USP33: variants seen among roughly 807,000 people sequenced by gnomAD.
The protein encoded by USP33 is ubiquitin carboxyl-terminal hydrolase 33.
A neutral mutation model predicts 124.2 loss-of-function variants in USP33; 46 were observed. That is an observed-to-expected ratio of 0.37 (90% confidence interval 0.29 to 0.47). The LOEUF (loss-of-function observed/expected upper bound fraction) is 0.47, where lower values mean the gene tolerates loss of function less well. Ranked by LOEUF, USP33 falls within the 20% of genes least tolerant of loss-of-function variation. The pLI is 0.99. For synonymous variants in USP33, 350 were observed against 352.3 expected (o/e 0.99, Z 0.07); for missense variants, 851 against 1,070.6 (o/e 0.79, Z 2.86).
chr1:77,754,783 AC>A (rs1300551931), intron 1 of USP33, among the ~76,000 whole-genome samples: 1 of 152,242 alleles, frequency 6.6e-6, no homozygotes, highest in Non-Finnish European at 1.5e-5. Flanking sequence ...CAGTCTTCTA[AC>A]TGAGTTCTCT....
At chr1:77,701,333 A>AT in intron 22 of USP33, 36 bp downstream of exon 22, 1 of 1,482,754 alleles carries the variant, frequency 6.7e-7, no homozygotes, top group Non-Finnish European at 9.3e-7. Context: ...AAAACAAATA[A>AT]TTTACCAAAA....
intron 1 of USP33, among the ~76,000 whole-genome samples, chr1:77,748,855 T>C (rs775209095): frequency 7.4e-6 from 1 of 134,728 alleles, no homozygotes; most frequent in Non-Finnish European, 1.5e-5. Flanking sequence ...ACAGAATGCA[T>C]TGACTAGCTT....
At chr1:77,731,110 G>GT (rs1677753052) in intron 7 of USP33, among the ~76,000 whole-genome samples, 1 of 152,058 alleles carries the variant, frequency 6.6e-6, no homozygotes, top group Non-Finnish European at 1.5e-5. Flanking sequence ...ACATGTAAAC[G>GT]TAAGGATTCC....
In USP33 at chr1:77,725,647, T is replaced by C; in HGVS notation, c.1251A>G (p.Pro417=). 6.2e-7 allele frequency: 1 copy of C among 1,614,178 alleles called. No individual in the cohort carries two copies. The highest frequency in any genetic ancestry group is 8.5e-7 in the Non-Finnish European group (1 of 1,180,022). ...CTTTTTTGTGTGGTGGTGCCAATCC[T>C]GGCCACAAATTGCCTGATTTAGGAG... ...ASPPKSGNLW[P]GLAPPHKKAQ... Residue 417 remains proline, a synonymous_variant, in exon 11 of 24, where the codon CCA becomes CCG. Transcript: ENST00000370794.
At position 77,736,983 on chromosome 1, in the gene USP33, T is replaced by C. The variant is rs187203358; in HGVS notation, c.352-825A>G. ...ATATTCTAATATTAATTTCCAACAA[T>C]TGGCTTGACTCAGAGGTTGCAACTG... is the stretch of plus-strand genomic sequence containing the variant. On this transcript the variant is annotated intron_variant, in intron 5 of 23. Coordinates refer to ENST00000370794, the MANE Select transcript of USP33 (RefSeq NM_201624.3). 2.8e-3 allele frequency among the ~76,000 whole-genome samples: 430 copies of C among 152,152 alleles called. 8 individuals are homozygous for C. The highest frequency in any genetic ancestry group is 9.8e-3 in the African/African-American group (408 of 41,514).
intron 1 of USP33, among the ~76,000 whole-genome samples, chr1:77,750,676 G>C (rs1680244042): frequency 6.8e-6 from 1 of 147,360 alleles, no homozygotes; most frequent in Admixed American, 6.7e-5. Flanking sequence ...AAGAAAGAAA[G>C]AAAGAAAGAA....
intron 1 of USP33, among the ~76,000 whole-genome samples, chr1:77,758,104 T>A (rs1680969433): frequency 6.6e-6 from 1 of 151,410 alleles, no homozygotes; most frequent in Admixed American, 6.6e-5. Context: ...TAGGAAGCAA[T>A]CTTAAGTAGA....
intron 1 of USP33, chr1:77,759,286 G>A (rs1681097431): frequency 7.1e-6 from 2 of 282,326 alleles, no homozygotes; most frequent in Non-Finnish European, 6.5e-6. Flanking sequence ...CACTGAGAGG[G>A]ACTGGCAAGC....
chr1:77,726,934 T>C (rs946357375), intron 10 of USP33, among the ~76,000 whole-genome samples: 1 of 152,196 alleles, frequency 6.6e-6, no homozygotes, highest in Non-Finnish European at 1.5e-5. Flanking sequence ...CAAGGGAATG[T>C]GCTCAGTAAC....
At chr1:77,703,514 C>T (rs1674271673) in intron 21 of USP33, among the ~76,000 whole-genome samples, 1 of 152,146 alleles carries the variant, frequency 6.6e-6, no homozygotes, top group Non-Finnish European at 1.5e-5. Context: ...ATCCCAGCTA[C>T]TTGGGAGGCT....
At chr1:77,729,723 A>G (rs1163507650) in intron 9 of USP33, 137 bp downstream of exon 9, 6 of 746,800 alleles carry the variant, frequency 8.0e-6, no homozygotes, top group Middle Eastern at 2.7e-4. Context: ...AATAAACATG[A>G]AAAAGGGTTA....
intron 18 of USP33, 50 bp from the exon 19 acceptor site, chr1:77,714,833 C>A: frequency 6.4e-7 from 1 of 1,569,364 alleles, no homozygotes; most frequent in South Asian, 1.2e-5. Flanking sequence ...TACTACATTA[C>A]TAGTAGATGG....
At chr1:77,729,472 T>C (rs1392833345) in intron 9 of USP33, among the ~76,000 whole-genome samples, 1 of 150,884 alleles carries the variant, frequency 6.6e-6, no homozygotes, top group Admixed American at 6.6e-5. Flanking sequence ...GGAGTTCAAG[T>C]CTGGCTTGGC....
intron 22 of USP33, among the ~76,000 whole-genome samples, chr1:77,699,781 A>G (rs1371712217): frequency 6.6e-6 from 1 of 152,174 alleles, no homozygotes; most frequent in Non-Finnish European, 1.5e-5. Flanking sequence ...AGCAAAGATA[A>G]GGAATCAACC....
rs1330932014 is a variant in USP33, at chr1:77,697,209, A to T, written c.*108T>A. On this transcript the variant is annotated 3_prime_UTR_variant, in exon 24 of 24. Transcript: ENST00000370794. ...TAAGAAGAAATAAATGGGATAAATG[A>T]TGAAAAAAAATAAAGCAAATAAACA... 14 of 1,080,638 alleles carry T rather than the reference A, an allele frequency of 1.3e-5. No homozygotes were observed. Among genetic ancestry groups the T allele is most frequent in the Non-Finnish European group, 1.8e-5 (14 of 770,856 alleles). 66.9% of individuals were successfully genotyped at this position (1,080,638 alleles called of 1,614,324 possible).
intron 23 of USP33, 52 bp from the exon 24 acceptor site, chr1:77,697,526 C>T: frequency 1.3e-6 from 2 of 1,528,332 alleles, no homozygotes; most frequent in Non-Finnish European, 1.8e-6. Flanking sequence ...ATTCATATTG[C>T]AAAAGCGTTC....
At chr1:77,756,815 T>C (rs1402649836) in intron 1 of USP33, among the ~76,000 whole-genome samples, 1 of 152,184 alleles carries the variant, frequency 6.6e-6, no homozygotes, top group Non-Finnish European at 1.5e-5. Context: ...CAAGATGCAC[T>C]TCAGAGAAAC....
At chr1:77,722,346 T>C (rs1676661392) in intron 12 of USP33, 150 bp from the exon 13 acceptor site, 4 of 705,706 alleles carry the variant, frequency 5.7e-6, no homozygotes, top group African/African-American at 3.6e-5. Flanking sequence ...ACTGCTTTCA[T>C]AGTCATAATA....
In USP33 at chr1:77,696,694, G is replaced by A. The variant is rs2101136625; in HGVS notation, c.*623C>T. Reference sequence around the variant, plus strand: ...CAATGAAAAAGTTTTCAAAGCAAAAGTATTTACAACACTACAAAGGATACT... The same window carrying A: ...CAATGAAAAAGTTTTCAAAGCAAAAATATTTACAACACTACAAAGGATACT... On this transcript the variant is annotated 3_prime_UTR_variant, in exon 24 of 24. Coordinates refer to ENST00000370794, the MANE Select transcript of USP33 (RefSeq NM_201624.3). 6.6e-6 allele frequency: 1 copy of A among 152,314 alleles called. No homozygotes were observed. Among genetic ancestry groups the A allele is most frequent in the African/African-American group, 2.4e-5 (1 of 41,570 alleles). The allele number at this position is 152,314 out of a possible 1,614,324, so 9.4% of individuals were successfully genotyped here.
Sources: allele counts gnomAD v4.1 joint callset (sites outside exome capture counted in the v4.1 genomes callset), GRCh38; gene constraint gnomAD v4.1.1; transcripts MANE v1.5; gene names NCBI Gene and HGNC (gene_info 2026-07-23, HGNC 2026-07-21).